Variants in ANXA13 observed in about 807,000 individuals in gnomAD.
ANXA13 encodes the protein annexin XIII.
ANXA13 carries 36 observed loss-of-function variants against 46.6 expected under a neutral mutation model. The ratio of observed to expected loss-of-function variants is 0.77; its 90% confidence interval spans 0.59 to 1.02. The LOEUF is 1.02. Ranked by LOEUF, ANXA13 falls within the 50% of genes least tolerant of loss-of-function variation. The probability of loss-of-function intolerance (pLI) is 0.00; values close to 1 mark genes in which losing one functional copy is unlikely to be tolerated. For synonymous variants in ANXA13, 163 were observed against 152.9 expected, an observed-to-expected ratio of 1.07 and a Z score of -0.49; for missense variants, 417 against 396.5, an observed-to-expected ratio of 1.05 and a Z score of -0.44.
intron 1 of ANXA13, among the ~76,000 whole-genome samples, chr8:123,716,444 G>A (rs918872280): frequency 6.6e-6 from 1 of 152,146 alleles, no homozygotes; most frequent in Admixed American, 6.5e-5. Context: ...TGAGGTCCCA[G>A]TGGCCTGACT....
At chr8:123,706,174 T>A (rs763315401) in intron 2 of ANXA13, among the ~76,000 whole-genome samples, 27 of 152,234 alleles carry the variant, frequency 1.8e-4, no homozygotes, top group Non-Finnish European at 1.8e-4. Flanking sequence ...TTGTCCTCCT[T>A]CATTTCCTCC....
intron 9 of ANXA13, among the ~76,000 whole-genome samples, chr8:123,686,979 C>T (rs1813151466): frequency 6.6e-6 from 1 of 152,122 alleles, no homozygotes; most frequent in Admixed American, 6.5e-5. Context: ...GTCCTCAACC[C>T]CAGGGACTTG....
At chr8:123,700,264 G>A (rs966367344) in intron 3 of ANXA13, among the ~76,000 whole-genome samples, 8 of 152,104 alleles carry the variant, frequency 5.3e-5, no homozygotes, top group African/African-American at 1.7e-4. Context: ...AAGCTGCAGA[G>A]AAGAAAAATC....
In ANXA13 at chr8:123,685,524, A is replaced by C. The variant is rs77019820; in HGVS notation, c.719-802T>G. Among the ~76,000 whole-genome samples, 603 of 152,324 alleles carry C rather than the reference A, an allele frequency of 4.0e-3. 3 individuals are homozygous for C. Among genetic ancestry groups the C allele is most frequent in the African/African-American group, 0.014 (591 of 41,566 alleles). ...AAAAATATTTGCCCTTTAGGCTGTT[A>C]ACATTTCTCTAGAACACTTGATGAT... On this transcript the variant is annotated intron_variant, in intron 9 of 10. Transcript: ENST00000419625.
intron 3 of ANXA13, among the ~76,000 whole-genome samples, chr8:123,700,438 C>T (rs141333164): frequency 3.3e-5 from 5 of 152,312 alleles, no homozygotes; most frequent in Non-Finnish European, 4.4e-5. Flanking sequence ...TCAACTGACA[C>T]GGGGCTGAGA....
chr8:123,714,669 T>G (rs1813729438), intron 1 of ANXA13, among the ~76,000 whole-genome samples: 1 of 152,204 alleles, frequency 6.6e-6, no homozygotes, highest in Non-Finnish European at 1.5e-5. Context: ...CATAGACTCC[T>G]AGAGCCGAAA....
chr8:123,689,183 C>A (rs941277777), intron 8 of ANXA13, among the ~76,000 whole-genome samples: 3 of 151,272 alleles, frequency 2.0e-5, no homozygotes, highest in Non-Finnish European at 4.4e-5. Flanking sequence ...GACCTTAGTG[C>A]CACTCCCTCA....
chr8:123,724,058 A>G lies in ANXA13; in HGVS notation c.16-11305T>C, dbSNP rs573436406. On this transcript the variant is annotated intron_variant, in intron 1 of 10. Coordinates refer to ENST00000419625, the MANE Select transcript of ANXA13 (RefSeq NM_004306.4). ...AATGGAACAGGAAACTTATCTGGAT[A>G]GAAATCTTGAGCTGAGAATAGTGTC... Among the ~76,000 whole-genome samples, 6 of 152,332 alleles carry G rather than the reference A, an allele frequency of 3.9e-5. No individual in the cohort carries two copies. The East Asian group carries it at 1.2e-3, about 29-fold the overall frequency.
intron 3 of ANXA13, among the ~76,000 whole-genome samples, chr8:123,699,840 G>A (rs1370031356): frequency 2.6e-5 from 4 of 152,232 alleles, no homozygotes; most frequent in Non-Finnish European, 5.9e-5. Context: ...CCAACTGTCA[G>A]TTTTCAGCTC....
intron 4 of ANXA13, 89 bp downstream of exon 4, chr8:123,698,300 G>T: frequency 7.0e-7 from 1 of 1,427,920 alleles, no homozygotes. Context: ...TCCATGGATA[G>T]AATGCTGGGA....
At chr8:123,721,917 A>G (rs1310442218) in intron 1 of ANXA13, among the ~76,000 whole-genome samples, 1 of 152,216 alleles carries the variant, frequency 6.6e-6, no homozygotes, top group Non-Finnish European at 1.5e-5. Flanking sequence ...ATTCAAACCC[A>G]TGCAGTCTGG....
intron 1 of ANXA13, among the ~76,000 whole-genome samples, chr8:123,722,880 C>T (rs1813911409): frequency 6.6e-6 from 1 of 152,114 alleles, no homozygotes; most frequent in Non-Finnish European, 1.5e-5. Flanking sequence ...ATTTCACACC[C>T]AATCTTCCAG....
rs1026244201 is a variant in ANXA13, at chr8:123,684,539, T to C, written c.831+71A>G. 28 of 1,068,480 alleles carry C rather than the reference T, an allele frequency of 2.6e-5. No homozygotes were observed. The African/African-American group carries it at 4.3e-4, about 16-fold the overall frequency. The allele number at this position is 1,068,480 out of a possible 1,614,324, so 66.2% of individuals were successfully genotyped here. ...GTAAATAGGCCCTTAATAGAAACTA[T>C]TTGTTGATGACATCAGTGGTGGAAA... is the stretch of plus-strand genomic sequence containing the variant. On this transcript the variant is annotated intron_variant, in intron 10 of 10. Transcript: ENST00000419625.
At chr8:123,686,104 C>G (rs1813135782) in intron 9 of ANXA13, among the ~76,000 whole-genome samples, 1 of 152,118 alleles carries the variant, frequency 6.6e-6, no homozygotes, top group Admixed American at 6.5e-5. Context: ...GCTTGGGGAA[C>G]AACCTCTGTT....
chr8:123,707,764 T>C (rs1358389656), intron 2 of ANXA13, among the ~76,000 whole-genome samples: 1 of 151,962 alleles, frequency 6.6e-6, no homozygotes, highest in Non-Finnish European at 1.5e-5. Context: ...TTGATGGGTG[T>C]AGCAAACCAC....
chr8:123,718,838 C>G (rs965052983), intron 1 of ANXA13, among the ~76,000 whole-genome samples: 1 of 152,192 alleles, frequency 6.6e-6, no homozygotes, highest in Non-Finnish European at 1.5e-5. Context: ...AGAAATGACT[C>G]AGGGATGTTC....
intron 2 of ANXA13, 111 bp from the exon 3 acceptor site, chr8:123,702,847 T>C (rs1355502724): frequency 2.1e-6 from 2 of 950,924 alleles, no homozygotes; most frequent in Non-Finnish European, 3.4e-6. Flanking sequence ...TGGTTGGAGG[T>C]GTCTATGGAA....
chr8:123,714,740 C>T (rs549502469), intron 1 of ANXA13, among the ~76,000 whole-genome samples: 57 of 152,330 alleles, frequency 3.7e-4, no homozygotes, highest in African/African-American at 1.3e-3. Context: ...TGCCCCATCT[C>T]GCAGCATCTG....
intron 3 of ANXA13, among the ~76,000 whole-genome samples, chr8:123,698,761 G>A (rs145803800): frequency 2.0e-5 from 3 of 152,312 alleles, no homozygotes; most frequent in Admixed American, 1.3e-4. Context: ...GAGGCAGAGA[G>A]GAGCTCCCTG....
Sources: allele counts gnomAD v4.1 joint callset (sites outside exome capture counted in the v4.1 genomes callset), GRCh38; gene constraint gnomAD v4.1.1; transcripts MANE v1.5; gene names NCBI Gene and HGNC (gene_info 2026-07-23, HGNC 2026-07-21).